PDPK1: variants seen among roughly 807,000 people sequenced by gnomAD.
PDPK1 encodes the protein 3-phosphoinositide-dependent protein kinase 1.
PDPK1 carries 7 observed loss-of-function variants against 39.8 expected under a neutral mutation model. The observed-to-expected ratio is 0.18, with a 90% CI of 0.10 to 0.33. The LOEUF is 0.33. PDPK1 is among the 10% of genes least tolerant of loss of function. PDPK1 has a pLI of 1.00. For missense variants in PDPK1, 182 were observed against 384.7 expected (o/e 0.47, Z 4.41); for synonymous variants, 118 against 159.1 (o/e 0.74, Z 1.95).
In PDPK1 at chr16:2,597,434, T is replaced by G. The variant is rs1186445976; in HGVS notation, c.1554+159T>G. 6.6e-6 allele frequency among the ~76,000 whole-genome samples: 1 copy of G among 152,160 alleles called. No individual in the cohort carries two copies. Among genetic ancestry groups the G allele is most frequent in the East Asian group, 1.9e-4 (1 of 5,184 alleles). On this transcript the variant is annotated intron_variant, in intron 13 of 13. Transcript: ENST00000342085. The surrounding 1 kb of genome is among the most constrained non-coding windows in gnomAD (Gnocchi z 6.3). ...GACGCCCACACTAGTGGCTCAGTCC[T>G]GAGGGGGCAGGGGACACCCTGTGCT...
rs2067139136 is a variant in PDPK1 at position 2,598,051 on chromosome 16, T to G, written c.*284T>G. On this transcript the variant is annotated 3_prime_UTR_variant, in exon 14 of 14. Transcript: ENST00000342085. ...TCGTTGCCGTGGGGACCCAGCTCCA[T>G]GCACGTCAACCCAGTCCCGCCCAGA... 1 of 489,986 alleles carries G rather than the reference T, an allele frequency of 2.0e-6. No individual in the cohort carries two copies. Among genetic ancestry groups the G allele is most frequent in the Admixed American group, 3.5e-5 (1 of 28,530 alleles). The allele number at this position is 489,986 out of a possible 1,614,324, so 30.4% of individuals were successfully genotyped here.
At chr16:2,596,061 A>G (rs1316102210) in intron 12 of PDPK1, among the ~76,000 whole-genome samples, 1 of 152,226 alleles carries the variant, frequency 6.6e-6, no homozygotes, top group Non-Finnish European at 1.5e-5. Flanking sequence ...GTGCAGAAGC[A>G]ACCGCCCACA....
In PDPK1 at chr16:2,599,462, G is replaced by A. The variant is rs1320463871; in HGVS notation, c.*1695G>A. 4.3e-6 allele frequency: 1 copy of A among 233,244 alleles called. No homozygotes were observed. The highest frequency in any genetic ancestry group is 8.5e-6 in the Non-Finnish European group (1 of 118,022). The allele number at this position is 233,244 out of a possible 1,614,324, so 14.4% of individuals were successfully genotyped here. ...CAGAGATGTTCCCCAGGCCCTGCCTGTGGTTCCTGCCTGGGCCTTGGCTGC... is the reference window on the plus strand; with the variant it reads ...CAGAGATGTTCCCCAGGCCCTGCCTATGGTTCCTGCCTGGGCCTTGGCTGC... On this transcript the variant is annotated 3_prime_UTR_variant, in exon 14 of 14. Coordinates refer to ENST00000342085, the MANE Select transcript of PDPK1 (RefSeq NM_002613.5).
Position 2,597,067 on chromosome 16 carries a change from A to T in PDPK1, c.1402-56A>T. The stretch of plus-strand genomic sequence containing the variant: ...GGGGCCGCCCAGCCCTCTAGGCTCC[A>T]GGAGATGCCGTCAGCACTGGCCTCT... On this transcript the variant is annotated intron_variant, in intron 12 of 13. Transcript: ENST00000342085. This position sits in a 1 kb window ranked among gnomAD's most constrained non-coding sequence, Gnocchi z 6.3. The T allele has an allele frequency of 6.9e-7, 1 of 1,445,656 alleles. No individual in the cohort carries two copies. Among genetic ancestry groups the T allele is most frequent in the Admixed American group, 2.1e-5 (1 of 46,828 alleles). The allele number at this position is 1,445,656 out of a possible 1,614,324, so 89.6% of individuals were successfully genotyped here. A position where few individuals can be genotyped will look rare whatever the true frequency, so the allele number is the denominator to read the frequency against.
In PDPK1 at chr16:2,599,927, A is replaced by G; in HGVS notation, c.*2160A>G. On this transcript the variant is annotated 3_prime_UTR_variant, in exon 14 of 14. Transcript: ENST00000342085. ...CTCCTGGGCGTCACTGACAAGCTCC[A>G]TCTTAACCTCCAAAGCCACAGAACT... 1 of 233,294 alleles carries G rather than the reference A, an allele frequency of 4.3e-6. No individual in the cohort carries two copies. Among genetic ancestry groups the G allele is most frequent in the Admixed American group, 5.6e-5 (1 of 17,796 alleles). The allele number at this position is 233,294 out of a possible 1,614,324, so 14.5% of individuals were successfully genotyped here.
In PDPK1 at chr16:2,602,469, C is replaced by T; in HGVS notation, c.*4702C>T. On this transcript the variant is annotated 3_prime_UTR_variant, in exon 14 of 14. Coordinates refer to ENST00000342085, the MANE Select transcript of PDPK1 (RefSeq NM_002613.5). ...TCATTTCTTCCATATGAAGAAACACCAAACTATGTACAGAGAACTTTTTAC... is the reference window on the plus strand; with the variant it reads ...TCATTTCTTCCATATGAAGAAACACTAAACTATGTACAGAGAACTTTTTAC... The T allele has an allele frequency of 8.5e-6, 2 of 235,170 alleles. No individual in the cohort carries two copies. The highest frequency in any genetic ancestry group is 1.7e-5 in the Non-Finnish European group (2 of 118,122). 14.6% of individuals were successfully genotyped at this position (235,170 alleles called of 1,614,324 possible).
At chr16:2,549,497 C>CT (rs1176821772) in intron 1 of PDPK1, among the ~76,000 whole-genome samples, 11 of 1,904 alleles carry the variant, frequency 5.8e-3, no homozygotes, top group African/African-American at 0.016. Flanking sequence ...TTTTTCTTTT[C>CT]TTTTTTTTTT....
intron 6 of PDPK1, chr16:2,576,758 C>T (rs926421267): frequency 4.9e-5 from 8 of 164,202 alleles, no homozygotes; most frequent in South Asian, 1.5e-4. Context: ...GGTGAGCCAC[C>T]GCACCTGGGC....
At position 2,600,778 on chromosome 16, in the gene PDPK1, C is replaced by G. The variant is rs1395233045; in HGVS notation, c.*3011C>G. 3 of 178,746 alleles carry G rather than the reference C, an allele frequency of 1.7e-5. No homozygotes were observed. Among genetic ancestry groups the G allele is most frequent in the Non-Finnish European group, 3.0e-5 (3 of 99,110 alleles). The allele number at this position is 178,746 out of a possible 1,614,324, so 11.1% of individuals were successfully genotyped here. A position where few individuals can be genotyped will look rare whatever the true frequency, so the allele number is the denominator to read the frequency against. The stretch of plus-strand genomic sequence containing the variant: ...GACTCAGTAAAACTAACGTTTGTCT[C>G]TGACAAGATCAGCTGTAGGCTCACC... On this transcript the variant is annotated 3_prime_UTR_variant, in exon 14 of 14. Transcript: ENST00000342085.
chr16:2,595,420 A>G (rs1351991877), intron 11 of PDPK1, among the ~76,000 whole-genome samples: 2 of 152,112 alleles, frequency 1.3e-5, no homozygotes, highest in African/African-American at 2.4e-5. Flanking sequence ...GCGGGCAGCC[A>G]CCTTTCGGGA....
rs2067238519 is a variant in PDPK1, at chr16:2,602,534, C to T, written c.*4767C>T. The T allele has an allele frequency of 4.3e-6, 1 of 234,794 alleles. No homozygotes were observed. The highest frequency in any genetic ancestry group is 8.5e-6 in the Non-Finnish European group (1 of 118,110). 14.5% of individuals were successfully genotyped at this position (234,794 alleles called of 1,614,324 possible). The stretch of plus-strand genomic sequence containing the variant: ...TTTTAAGCTGTGTAACCCACATAGC[C>T]TAACCACCTGGCAGAATGACTACGA... On this transcript the variant is annotated 3_prime_UTR_variant, in exon 14 of 14. Coordinates refer to ENST00000342085, the MANE Select transcript of PDPK1 (RefSeq NM_002613.5).
At chr16:2,588,391 C>T (rs1024583783) in intron 11 of PDPK1, among the ~76,000 whole-genome samples, 1 of 152,196 alleles carries the variant, frequency 6.6e-6, no homozygotes, top group African/African-American at 2.4e-5. Flanking sequence ...CTCGTGTGTG[C>T]TGGGGTCCCC....
At position 2,600,256 on chromosome 16, in the gene PDPK1, A is replaced by C. The variant is rs1251562706; in HGVS notation, c.*2489A>C. ...TACAGTTGTGGGTTTATCCAAGATG[A>C]GGAAGATTTCACCTGCTGTTTAATA... is the stretch of plus-strand genomic sequence containing the variant. On this transcript the variant is annotated 3_prime_UTR_variant, in exon 14 of 14. Coordinates refer to ENST00000342085, the MANE Select transcript of PDPK1 (RefSeq NM_002613.5). The C allele has an allele frequency of 8.6e-6, 2 of 233,380 alleles. No homozygotes were observed. Among genetic ancestry groups the C allele is most frequent in the East Asian group, 1.2e-4 (2 of 16,612 alleles). The allele number at this position is 233,380 out of a possible 1,614,324, so 14.5% of individuals were successfully genotyped here.
intron 1 of PDPK1, 102 bp downstream of exon 1, chr16:2,538,238 CG>C: frequency 1.9e-6 from 1 of 525,074 alleles, no homozygotes; most frequent in Non-Finnish European, 2.5e-6. Context: ...TCCCGAGGGC[CG>C]GGTGCCTCCT....
chr16:2,585,027 C>T (rs1031581223), intron 10 of PDPK1, among the ~76,000 whole-genome samples: 5 of 152,114 alleles, frequency 3.3e-5, no homozygotes, highest in African/African-American at 1.2e-4. Flanking sequence ...TGGCCGTTCT[C>T]CCGTGGGCTC....
intron 10 of PDPK1, among the ~76,000 whole-genome samples, chr16:2,586,030 A>G (rs894009698): frequency 5.9e-5 from 9 of 152,142 alleles, no homozygotes; most frequent in African/African-American, 2.2e-4. Flanking sequence ...GGAGCGTGTT[A>G]GTGCACAGGC....
At chr16:2,596,412 T>G (rs1247641866) in intron 12 of PDPK1, among the ~76,000 whole-genome samples, 1 of 152,154 alleles carries the variant, frequency 6.6e-6, no homozygotes. Flanking sequence ...GCCAGGATGG[T>G]CTTGATCTCC....
Position 2,598,580 on chromosome 16 carries a change from C to T in PDPK1, c.*813C>T, listed in dbSNP as rs1421137247. Reference sequence around the variant, plus strand: ...CTGTCAGAAGTGAGCCCAGTTAGTACCCCGCTGGCTCACTGCACGAGAGAG... The same window carrying T: ...CTGTCAGAAGTGAGCCCAGTTAGTATCCCGCTGGCTCACTGCACGAGAGAG... On this transcript the variant is annotated 3_prime_UTR_variant, in exon 14 of 14. Transcript: ENST00000342085. 1 of 233,322 alleles carries T rather than the reference C, an allele frequency of 4.3e-6. No individual in the cohort carries two copies. Among genetic ancestry groups the T allele is most frequent in the Admixed American group, 5.6e-5 (1 of 17,788 alleles). 14.5% of individuals were successfully genotyped at this position (233,322 alleles called of 1,614,324 possible). A position where few individuals can be genotyped will look rare whatever the true frequency, so the allele number is the denominator to read the frequency against.
At chr16:2,579,932 CAAAAAA>C (rs1230572009) in intron 7 of PDPK1, 1 of 129,884 alleles carries the variant, frequency 7.7e-6, no homozygotes, top group Non-Finnish European at 1.6e-5. Flanking sequence ...GACCCTGTCT[CAAAAAA>C]GAAAAAGAAA....
Sources: gnomAD v4.1 joint callset for allele counts (sites outside exome capture counted in the v4.1 genomes callset) on GRCh38, gnomAD v4.1.1 for gene constraint, Gnocchi (gnomAD v3.1) non-coding constraint, MANE v1.5 for transcripts, NCBI Gene and HGNC (gene_info 2026-07-23, HGNC 2026-07-21) for gene names.